Variants in HTR2C observed in about 807,000 individuals in gnomAD.
HTR2C encodes the protein 5-hydroxytryptamine (serotonin) receptor 2C, G protein-coupled.
A neutral mutation model predicts 21.0 loss-of-function variants in HTR2C; 5 were observed. That is an observed-to-expected ratio of 0.24 (90% CI 0.12 to 0.50). The LOEUF (loss-of-function observed/expected upper bound fraction) is 0.50, where lower values mean the gene tolerates loss of function less well. Ranked by LOEUF, HTR2C falls within the 20% of genes least tolerant of loss-of-function variation. HTR2C has a pLI of 0.98. For missense variants in HTR2C, 271 were observed against 371.2 expected (o/e 0.73, Z 2.22); for synonymous variants, 150 against 145.3 (o/e 1.03, Z -0.23).
intron 2 of HTR2C, among the ~76,000 whole-genome samples, chrX:114,640,320 A>G (rs1198748374): frequency 3.1e-5 from 3 of 96,993 alleles, no homozygotes; most frequent in Non-Finnish European, 4.1e-5. Context: ...AAAACAATGA[A>G]ACACATATAT....
chrX:114,800,202 T>A (rs2070332533), intron 4 of HTR2C, among the ~76,000 whole-genome samples: 1 of 111,142 alleles, frequency 9.0e-6, no homozygotes, highest in Non-Finnish European at 1.9e-5. Context: ...AAAAGGTGGG[T>A]AGATGTTAAA....
chrX:114,684,092 T>G (rs1218975948), intron 2 of HTR2C, among the ~76,000 whole-genome samples: 3 of 111,782 alleles, frequency 2.7e-5, no homozygotes, highest in African/African-American at 9.7e-5. Context: ...AGCGAAGAGC[T>G]TTATATTGAG....
chrX:114,609,616 A>T lies in HTR2C; in HGVS notation c.-146-4199A>T, dbSNP rs374052185. On this transcript the variant is annotated intron_variant, in intron 1 of 5. Coordinates refer to ENST00000276198, the MANE Select transcript of HTR2C (RefSeq NM_000868.4). ...TTAAAGGACAGTATCGTGTTAGACA[A>T]AGATTGAAGTTTTAAATAATACATG... Among the ~76,000 whole-genome samples, 6 of 112,114 alleles carry T rather than the reference A, an allele frequency of 5.4e-5. No individual in the cohort carries two copies. The East Asian group carries it at 1.4e-3, about 26-fold the overall frequency.
chrX:114,588,479 T>G (rs1035115553), intron 1 of HTR2C, among the ~76,000 whole-genome samples: 18 of 111,796 alleles, frequency 1.6e-4, no homozygotes, highest in Non-Finnish European at 3.4e-4. Flanking sequence ...AGAGTTGAAT[T>G]AGCGTTAATG....
In HTR2C at chrX:114,633,932, G is replaced by GTA. The variant is rs1332332101; in HGVS notation, c.-80+20066_-80+20067dup. Among the ~76,000 whole-genome samples, 140 of 89,418 alleles carry GTA rather than the reference G, an allele frequency of 1.6e-3. 2 individuals carry two copies. Among genetic ancestry groups the GTA allele is most frequent in the African/African-American group, 5.5e-3 (132 of 23,919 alleles). The allele number at this position is 89,418 out of a possible 115,157, so 77.6% of individuals were successfully genotyped here. ...AAGTACGTTAAATATATATGCATGT[G>GTA]TATATATATATATATAGAGAGAGAG... On this transcript the variant is annotated intron_variant, in intron 2 of 5. Transcript: ENST00000276198.
intron 4 of HTR2C, among the ~76,000 whole-genome samples, chrX:114,792,382 G>C (rs1165475850): frequency 1.8e-5 from 2 of 111,217 alleles, no homozygotes; most frequent in African/African-American, 6.5e-5. Flanking sequence ...TTGGTTTTCT[G>C]TTCCTGTGTT....
intron 4 of HTR2C, among the ~76,000 whole-genome samples, chrX:114,825,627 C>A (rs985185118): frequency 7.2e-5 from 8 of 111,039 alleles, no homozygotes; most frequent in Admixed American, 2.9e-4. Flanking sequence ...TCAATTAGGT[C>A]AAGTTTGTTG....
chrX:114,823,747 T>C (rs1250931229), intron 4 of HTR2C, among the ~76,000 whole-genome samples: 1 of 111,233 alleles, frequency 9.0e-6, no homozygotes, highest in African/African-American at 3.3e-5. Flanking sequence ...GAGTGGATCT[T>C]TAAGCTCAGG....
chrX:114,652,653 G>A (rs372969387), intron 2 of HTR2C: 89 of 377,485 alleles, frequency 2.4e-4, no homozygotes, highest in African/African-American at 2.2e-3. Context: ...CTGGCATATA[G>A]CAGGTCCTCA....
chrX:114,717,321 C>T (rs1602712054), intron 2 of HTR2C, among the ~76,000 whole-genome samples: 1 of 112,198 alleles, frequency 8.9e-6, no homozygotes, highest in Non-Finnish European at 1.9e-5. Flanking sequence ...AATCCACCCA[C>T]TCCGGCCTCC....
At chrX:114,689,396 T>C (rs1932038393) in intron 2 of HTR2C, among the ~76,000 whole-genome samples, 1 of 109,632 alleles carries the variant, frequency 9.1e-6, no homozygotes, top group Admixed American at 9.9e-5. Context: ...CTGGATCAAA[T>C]AGTAGTTCTA....
At chrX:114,869,628 T>G (rs2071075948) in intron 5 of HTR2C, among the ~76,000 whole-genome samples, 1 of 112,113 alleles carries the variant, frequency 8.9e-6, no homozygotes, top group Admixed American at 9.4e-5. Context: ...TTTGACTTAT[T>G]TCTTTCCAAT....
intron 1 of HTR2C, among the ~76,000 whole-genome samples, chrX:114,595,717 T>G (rs1444823146): frequency 3.6e-5 from 4 of 111,269 alleles, no homozygotes; most frequent in Non-Finnish European, 7.5e-5. Flanking sequence ...GATAAATACT[T>G]GGTTTTCTAC....
intron 4 of HTR2C, among the ~76,000 whole-genome samples, chrX:114,765,740 A>T (rs2069941485): frequency 8.9e-6 from 1 of 112,066 alleles, no homozygotes; most frequent in African/African-American, 3.2e-5. Context: ...TAATACTAAT[A>T]GTTAATAGTT....
chrX:114,851,556 T>C (rs1288196238), intron 5 of HTR2C, among the ~76,000 whole-genome samples: 1 of 111,597 alleles, frequency 9.0e-6, no homozygotes, highest in Non-Finnish European at 1.9e-5. Context: ...TATTATACTG[T>C]AAGGAAGTGT....
At chrX:114,826,809 G>A (rs2070682318) in intron 4 of HTR2C, among the ~76,000 whole-genome samples, 1 of 111,221 alleles carries the variant, frequency 9.0e-6, no homozygotes, top group Non-Finnish European at 1.9e-5. Flanking sequence ...TAGATTTAAT[G>A]CAATTATTGA....
intron 2 of HTR2C, among the ~76,000 whole-genome samples, chrX:114,718,316 A>G (rs1431129232): frequency 2.7e-5 from 3 of 112,295 alleles, no homozygotes; most frequent in African/African-American, 9.7e-5. Context: ...TCTGTGAGTG[A>G]TACGGATTCT....
rs782690830 is a variant in HTR2C at position 114,652,229 on chromosome X, G to A, written c.-80+38348G>A. Among the ~76,000 whole-genome samples the A allele has an allele frequency of 5.4e-5, 6 of 111,736 alleles. No individual in the cohort carries two copies. In the East Asian group the frequency reaches 1.4e-3, roughly 26 times the overall value. On this transcript the variant is annotated intron_variant, in intron 2 of 5. Coordinates refer to ENST00000276198, the MANE Select transcript of HTR2C (RefSeq NM_000868.4). ...TAGAATGATTTTGTTTGGTTGGAAA[G>A]CTGCGTGATCTCTGCATATAATTCC... is the stretch of plus-strand genomic sequence containing the variant.
At chrX:114,591,618 T>C (rs1448554915) in intron 1 of HTR2C, among the ~76,000 whole-genome samples, 2 of 111,836 alleles carry the variant, frequency 1.8e-5, no homozygotes, top group Non-Finnish European at 3.8e-5. Flanking sequence ...AAATTTCACG[T>C]AAGTAAATCT....
Sources: allele counts gnomAD v4.1 joint callset (sites outside exome capture counted in the v4.1 genomes callset), GRCh38; gene constraint gnomAD v4.1.1; transcripts MANE v1.5; gene names NCBI Gene and HGNC (gene_info 2026-07-23, HGNC 2026-07-21).